The following DRC8 variants were observed in gnomAD, a reference collection of about 807,000 sequenced individuals.
DRC8 encodes the protein dynein regulatory complex subunit 8.
At chr1:245,010,623 T>G in the DRC8 span, among the ~76,000 whole-genome samples, 1 of 151,998 alleles carries the variant, frequency 6.6e-6, no homozygotes, top group Admixed American at 6.6e-5. Context: ...AGAGGATCAG[T>G]ATTTTGGGGT....
chr1:245,019,895 G>A, the DRC8 span, among the ~76,000 whole-genome samples: 3 of 152,216 alleles, frequency 2.0e-5, no homozygotes, highest in Non-Finnish European at 2.9e-5. Context: ...AACCCAGGAG[G>A]TGGAGATTGC....
At chr1:245,077,228 C>G in the DRC8 span, among the ~76,000 whole-genome samples, 1 of 152,210 alleles carries the variant, frequency 6.6e-6, no homozygotes, top group Non-Finnish European at 1.5e-5. Flanking sequence ...GTTCTAAAGG[C>G]TGAAAGTTTA....
chr1:245,080,710 T>C, the DRC8 span, among the ~76,000 whole-genome samples: 1 of 152,224 alleles, frequency 6.6e-6, no homozygotes, highest in African/African-American at 2.4e-5. Context: ...CACTCCAATC[T>C]AAGCCCTTGT....
chr1:245,020,179 G>C, the DRC8 span, among the ~76,000 whole-genome samples: 2 of 152,142 alleles, frequency 1.3e-5, no homozygotes, highest in Non-Finnish European at 2.9e-5. Flanking sequence ...TTAGAATTTT[G>C]TGGTGGCTAC....
At chr1:244,986,230 C>T in the DRC8 span, among the ~76,000 whole-genome samples, 3 of 152,268 alleles carry the variant, frequency 2.0e-5, no homozygotes, top group Admixed American at 6.5e-5. Context: ...GCTGGGATTA[C>T]AGGCATGAGC....
the DRC8 span, among the ~76,000 whole-genome samples, chr1:245,079,366 T>C: frequency 1.3e-5 from 2 of 152,228 alleles, no homozygotes; most frequent in African/African-American, 4.8e-5. Context: ...AGAACACTTA[T>C]GACCCCTCTG....
At chr1:244,997,144 GT>G in the DRC8 span, among the ~76,000 whole-genome samples, 1 of 152,184 alleles carries the variant, frequency 6.6e-6, no homozygotes, top group East Asian at 1.9e-4. Context: ...TCAATATACA[GT>G]TGAATCCATG....
the DRC8 span, among the ~76,000 whole-genome samples, chr1:245,098,852 C>T: frequency 2.6e-5 from 4 of 152,192 alleles, no homozygotes; most frequent in South Asian, 4.1e-4. Flanking sequence ...GAACGGAGTT[C>T]GATCCAGCGG....
the DRC8 span, among the ~76,000 whole-genome samples, chr1:245,018,334 G>T: frequency 6.6e-6 from 1 of 152,076 alleles, no homozygotes; most frequent in African/African-American, 2.4e-5. Context: ...CTAGTAGAGA[G>T]GCCAGCAAAG....
the DRC8 span, among the ~76,000 whole-genome samples, chr1:245,000,248 T>C: frequency 1.3e-5 from 2 of 152,246 alleles, no homozygotes; most frequent in Admixed American, 1.3e-4. Flanking sequence ...AATATCTTAT[T>C]GTACTGTACT....
At chr1:245,059,370 A>G in the DRC8 span, 5 of 1,590,588 alleles carry the variant, frequency 3.1e-6, no homozygotes, top group African/African-American at 6.7e-5. Flanking sequence ...ACCATTGAAA[A>G]CTTTTTTTTT....
the DRC8 span, chr1:245,059,424 C>T: frequency 2.5e-6 from 4 of 1,612,366 alleles, no homozygotes; most frequent in Non-Finnish European, 3.4e-6. Flanking sequence ...GGATGCTGTC[C>T]TACGGAAGGA....
chr1:245,010,681 C>CT, the DRC8 span, among the ~76,000 whole-genome samples: 6,610 of 127,208 alleles, frequency 0.052, 296 homozygotes, highest in Non-Finnish European at 0.079. Flanking sequence ...CTTTTTCTTT[C>CT]TTTTTTTTTT....
chr1:245,102,346 A>ATTTG, the DRC8 span, among the ~76,000 whole-genome samples: 3 of 151,310 alleles, frequency 2.0e-5, no homozygotes, highest in Non-Finnish European at 4.4e-5. Context: ...TTATTTATTT[A>ATTTG]TTTATTTATT....
the DRC8 span, among the ~76,000 whole-genome samples, chr1:245,014,074 A>AGTTTT: frequency 6.6e-6 from 1 of 150,746 alleles, no homozygotes; most frequent in Non-Finnish European, 1.5e-5. Flanking sequence ...AAAAAAGAAA[A>AGTTTT]GAGTAGTTAA....
At chr1:245,032,454 A>AT in the DRC8 span, among the ~76,000 whole-genome samples, 5 of 152,174 alleles carry the variant, frequency 3.3e-5, no homozygotes, top group African/African-American at 4.8e-5. Context: ...TCAAATGTTT[A>AT]TTTTTTCTTA....
chr1:245,077,408 C>A, the DRC8 span, among the ~76,000 whole-genome samples: 1 of 152,076 alleles, frequency 6.6e-6, no homozygotes, highest in South Asian at 2.1e-4. Context: ...TTAGTTATGA[C>A]AAGTGTACCA....
the DRC8 span, among the ~76,000 whole-genome samples, chr1:245,022,444 A>G: frequency 6.6e-6 from 1 of 152,028 alleles, no homozygotes; most frequent in East Asian, 1.9e-4. Flanking sequence ...AATTACAGGC[A>G]TGAGCCACCG....
the DRC8 span, among the ~76,000 whole-genome samples, chr1:245,060,083 C>A: frequency 1.3e-5 from 2 of 152,186 alleles, no homozygotes; most frequent in African/African-American, 4.8e-5. Context: ...GGAGAAGAAT[C>A]TTTTCAGAAT....
Sources: allele counts gnomAD v4.1 joint callset (sites outside exome capture counted in the v4.1 genomes callset), GRCh38; gene constraint gnomAD v4.1.1; transcripts MANE v1.5; gene names NCBI Gene and HGNC (gene_info 2026-07-23, HGNC 2026-07-21).